The following RBFOX3 variants were observed in gnomAD, a reference collection of about 807,000 sequenced individuals.
RBFOX3 encodes RNA binding protein fox-1 homolog 3.
A neutral mutation model predicts 48.7 loss-of-function variants in RBFOX3; 17 were observed. The observed-to-expected ratio is 0.35, with a 90% CI of 0.24 to 0.52. RBFOX3 has a LOEUF of 0.52. Among genes scored for constraint, RBFOX3 ranks in the 20% least tolerant of loss-of-function variants. The pLI, the probability that RBFOX3 is intolerant of heterozygous loss-of-function variation, is 0.94. For synonymous variants in RBFOX3, 212 were observed against 209.5 expected (o/e 1.01, Z -0.10); for missense variants, 382 against 497.5 (o/e 0.77, Z 2.21).
the RBFOX3 span, among the ~76,000 whole-genome samples, chr17:79,650,915 G>A: frequency 2.5e-4 from 38 of 152,258 alleles, no homozygotes; most frequent in Non-Finnish European, 4.7e-4. Context: ...TCTGCCTCTC[G>A]TGGGGGTGAC....
intron 2 of RBFOX3, among the ~76,000 whole-genome samples, chr17:79,330,439 C>T (rs1443464590): frequency 8.0e-6 from 1 of 125,700 alleles, no homozygotes; most frequent in Non-Finnish European, 1.7e-5. Flanking sequence ...CCGAGCACAA[C>T]GATGCCACCT....
In RBFOX3 at chr17:79,089,876, C is replaced by G. The variant is rs916114668; in HGVS notation, c.*1007G>C. The G allele has an allele frequency of 6.6e-6, 1 of 152,424 alleles. No homozygotes were observed. Among genetic ancestry groups the G allele is most frequent in the Non-Finnish European group, 1.5e-5 (1 of 68,088 alleles). 9.4% of individuals were successfully genotyped at this position (152,424 alleles called of 1,614,324 possible). ...GGCCCAGGCTTCCCCATCCCTTGCC[C>G]TTCCCATGGGCCCCTGCTCTGGCTG... On this transcript the variant is annotated 3_prime_UTR_variant, in exon 15 of 15. Coordinates refer to ENST00000693108, the MANE Select transcript of RBFOX3 (RefSeq NM_001350451.2).
At position 79,374,051 on chromosome 17, in the gene RBFOX3, C is replaced by T. The variant is rs550538487; in HGVS notation, c.-174-66227G>A. ...CTAATTTTTGGACTTTTAGTAGAGA[C>T]GGGGTTTCGCCATGTTGGCCAGGCT... On this transcript the variant is annotated intron_variant, in intron 2 of 14. Coordinates refer to ENST00000693108, the MANE Select transcript of RBFOX3 (RefSeq NM_001350451.2). 1.6e-4 allele frequency among the ~76,000 whole-genome samples: 25 copies of T among 152,200 alleles called. No homozygotes were observed. In the South Asian group the frequency reaches 4.0e-3, roughly 24 times the overall value.
intron 4 of RBFOX3, among the ~76,000 whole-genome samples, chr17:79,141,966 C>A (rs1182623668): frequency 6.6e-6 from 1 of 152,206 alleles, no homozygotes; most frequent in African/African-American, 2.4e-5. Flanking sequence ...CAAAGAAACC[C>A]TGAGAAAGAG....
At chr17:79,131,523 C>T (rs534006757) in intron 4 of RBFOX3, among the ~76,000 whole-genome samples, 2 of 152,346 alleles carry the variant, frequency 1.3e-5, no homozygotes, top group East Asian at 3.9e-4. Flanking sequence ...GTCGCCACTC[C>T]GCTATCTGCT....
rs1216046831 is a variant in RBFOX3 at position 79,495,545 on chromosome 17, TG to T, written c.-319-12948del. ...GGGAGGGGTGCAGAGGGTGGGGAGG[TG>T]GGGGCAGGGGTACTGGGGGCAGGGA... On this transcript the variant is annotated intron_variant, in intron 1 of 14. Transcript: ENST00000693108. 5.0e-3 allele frequency among the ~76,000 whole-genome samples: 19 copies of T among 3,780 alleles called. 1 individual carries two copies. The highest frequency in any genetic ancestry group is 0.043 in the South Asian group (4 of 94). The allele number at this position is 3,780 out of a possible 152,430, so 2.5% of individuals were successfully genotyped here. A position where few individuals can be genotyped will look rare whatever the true frequency, so the allele number is the denominator to read the frequency against.
chr17:79,404,989 C>T (rs772121940), intron 2 of RBFOX3, among the ~76,000 whole-genome samples: 1 of 152,180 alleles, frequency 6.6e-6, no homozygotes, highest in Non-Finnish European at 1.5e-5. Flanking sequence ...AGGCCTGCAT[C>T]GGATCGTCCC....
chr17:79,181,202 A>T (rs887495859), intron 4 of RBFOX3, among the ~76,000 whole-genome samples: 2 of 152,364 alleles, frequency 1.3e-5, no homozygotes, highest in Non-Finnish European at 2.9e-5. Flanking sequence ...CAACAGAATC[A>T]ATAAACCATG....
intron 1 of RBFOX3, among the ~76,000 whole-genome samples, chr17:79,585,817 G>T (rs2093232516): frequency 6.6e-6 from 1 of 152,182 alleles, no homozygotes; most frequent in South Asian, 2.1e-4. Context: ...CGAGAGACAA[G>T]AGAAAGTGAA....
chr17:79,634,990 G>T, the RBFOX3 span, among the ~76,000 whole-genome samples: 1 of 137,358 alleles, frequency 7.3e-6, no homozygotes, highest in African/African-American at 2.7e-5. Flanking sequence ...AACCCAGGAG[G>T]CAGAGGTTGC....
chr17:79,463,994 C>T (rs887013565), intron 2 of RBFOX3, among the ~76,000 whole-genome samples: 1 of 152,198 alleles, frequency 6.6e-6, no homozygotes. Context: ...CCTCCACCAC[C>T]ATTGGTAGCA....
At position 79,362,838 on chromosome 17, in the gene RBFOX3, C is replaced by T. The variant is rs193009484; in HGVS notation, c.-174-55014G>A. Reference sequence around the variant, plus strand: ...GGGTAAAGCGGGAACATCAGACAACCCTGAACGCCCGGCTCTGTGTGCAGA... The same window carrying T: ...GGGTAAAGCGGGAACATCAGACAACTCTGAACGCCCGGCTCTGTGTGCAGA... On this transcript the variant is annotated intron_variant, in intron 2 of 14. Coordinates refer to ENST00000693108, the MANE Select transcript of RBFOX3 (RefSeq NM_001350451.2). This position sits in a 1 kb window ranked among gnomAD's most constrained non-coding sequence, Gnocchi z 4.2. Among the ~76,000 whole-genome samples the T allele has an allele frequency of 1.4e-3, 219 of 152,256 alleles. No individual in the cohort carries two copies. The highest frequency in any genetic ancestry group is 3.5e-3 in the Admixed American group (53 of 15,292).
At chr17:79,095,655 G>A (rs2146257067) in intron 12 of RBFOX3, 81 bp from the exon 13 acceptor site, 2 of 1,285,934 alleles carry the variant, frequency 1.6e-6, no homozygotes, top group Non-Finnish European at 2.2e-6. Flanking sequence ...AGAGGAGACA[G>A]ACCCTGTGCG....
upstream of RBFOX3, among the ~76,000 whole-genome samples, chr17:79,611,169 T>TCCTCTCTCTCTCTCGCTCTCGCTCTCG (rs1359138866): frequency 3.1e-4 from 8 of 25,908 alleles, 2 homozygotes; most frequent in Admixed American, 9.2e-4. Flanking sequence ...TCTCTCTCTC[T>TCCTCTCTCTCTCTCGCTCTCGCTCTCG]CTCTCCGCCC....
intron 1 of RBFOX3, among the ~76,000 whole-genome samples, chr17:79,490,939 C>T (rs947645057): frequency 7.4e-5 from 11 of 148,228 alleles, no homozygotes; most frequent in East Asian, 2.0e-4. Context: ...ACATGGGTGA[C>T]GGGTGTCTAG....
At chr17:79,112,809 G>A (rs369327245) in intron 5 of RBFOX3, among the ~76,000 whole-genome samples, 4 of 151,694 alleles carry the variant, frequency 2.6e-5, no homozygotes, top group East Asian at 3.9e-4. Context: ...GCGAGAGGGC[G>A]GGAAGCCCCA....
intron 4 of RBFOX3, among the ~76,000 whole-genome samples, chr17:79,164,992 C>G (rs1345752665): frequency 6.6e-6 from 1 of 152,204 alleles, no homozygotes; most frequent in Non-Finnish European, 1.5e-5. Context: ...TAAGGAAAGA[C>G]CAGACCACAC....
At chr17:79,620,142 C>CAT in the RBFOX3 span, among the ~76,000 whole-genome samples, 2 of 68,864 alleles carry the variant, frequency 2.9e-5, no homozygotes, top group East Asian at 1.3e-3. Context: ...TGCACACGCG[C>CAT]ACACACATGC....
chr17:79,097,429 A>G lies in RBFOX3; in HGVS notation c.623-5T>C, dbSNP rs1371205081. On this transcript the variant is annotated splice_polypyrimidine_tract_variant and splice_region_variant and intron_variant, in intron 10 of 14. Coordinates refer to ENST00000693108, the MANE Select transcript of RBFOX3 (RefSeq NM_001350451.2). Reference sequence around the variant, plus strand: ...TGGGGTAGGGGAACCCCGTCACTGCAGGAAACGGGGCCCGAGACACGTGTG... The same window carrying G: ...TGGGGTAGGGGAACCCCGTCACTGCGGGAAACGGGGCCCGAGACACGTGTG... 1 of 1,542,348 alleles carries G rather than the reference A, an allele frequency of 6.5e-7. No individual in the cohort carries two copies. Among genetic ancestry groups the G allele is most frequent in the Non-Finnish European group, 8.8e-7 (1 of 1,142,738 alleles).
Sources: allele counts gnomAD v4.1 joint callset (sites outside exome capture counted in the v4.1 genomes callset), GRCh38; gene constraint gnomAD v4.1.1; non-coding constraint Gnocchi (gnomAD v3.1); transcripts MANE v1.5; gene names NCBI Gene and HGNC (gene_info 2026-07-23, HGNC 2026-07-21).